Variants in PSD3 observed in about 807,000 individuals in gnomAD.
The protein encoded by PSD3 is pleckstrin and Sec7 domain containing 3.
A neutral mutation model predicts 105.5 loss-of-function variants in PSD3; 49 were observed. The observed-to-expected ratio is 0.46, with a 90% confidence interval of 0.37 to 0.59. The LOEUF (loss-of-function observed/expected upper bound fraction) is 0.59, where lower values mean the gene tolerates loss of function less well. PSD3 is among the 20% of genes least tolerant of loss of function. The pLI, the probability that PSD3 is intolerant of heterozygous loss-of-function variation, is 0.00. For missense variants in PSD3, 1,561 were observed against 1,263.8 expected (o/e 1.24, Z -3.57); for synonymous variants, 557 against 457.8 (o/e 1.22, Z -2.77).
At chr8:18,820,804 C>T (rs1222447420) in intron 4 of PSD3, among the ~76,000 whole-genome samples, 5 of 152,182 alleles carry the variant, frequency 3.3e-5, no homozygotes, top group African/African-American at 1.2e-4. Flanking sequence ...TGCTCTATCA[C>T]CCAGGCTGGA....
At chr8:18,736,173 T>G (rs1211078307) in intron 9 of PSD3, among the ~76,000 whole-genome samples, 1 of 152,174 alleles carries the variant, frequency 6.6e-6, no homozygotes, top group South Asian at 2.1e-4. Flanking sequence ...AACCTCCAAC[T>G]TCCATACTTA....
chr8:18,527,811 AG>A lies in PSD3; in HGVS notation c.*7931del, dbSNP rs1799483822. On this transcript the variant is annotated 3_prime_UTR_variant, in exon 16 of 16. Transcript: ENST00000327040. The stretch of plus-strand genomic sequence containing the variant: ...GGAACAGGTTTCCAGTACGTGTTAT[AG>A]TACCGCCAGCTTACCCAAAACTGCT... 6.6e-6 allele frequency: 1 copy of A among 152,434 alleles called. No individual in the cohort carries two copies. The highest frequency in any genetic ancestry group is 1.5e-5 in the Non-Finnish European group (1 of 68,038). The allele number at this position is 152,434 out of a possible 1,614,324, so 9.4% of individuals were successfully genotyped here. A position where few individuals can be genotyped will look rare whatever the true frequency, so the allele number is the denominator to read the frequency against.
chr8:18,626,311 G>C (rs1304489420), intron 11 of PSD3, among the ~76,000 whole-genome samples: 3 of 150,928 alleles, frequency 2.0e-5, no homozygotes, highest in African/African-American at 7.3e-5. Flanking sequence ...AAGTGTATCA[G>C]CATTTAAAAC....
intron 9 of PSD3, among the ~76,000 whole-genome samples, chr8:18,710,294 G>T (rs1563189712): frequency 6.6e-6 from 1 of 151,692 alleles, no homozygotes; most frequent in African/African-American, 2.4e-5. Flanking sequence ...AGATTAGAGG[G>T]AAAAAAAATG....
intron 4 of PSD3, among the ~76,000 whole-genome samples, chr8:18,832,604 A>C (rs912630057): frequency 1.1e-4 from 16 of 152,340 alleles, no homozygotes; most frequent in African/African-American, 3.6e-4. Context: ...TGTGTCAGAC[A>C]TAATGGTCAA....
chr8:19,015,660 A>G (rs899218417), upstream of PSD3, among the ~76,000 whole-genome samples: 2 of 152,214 alleles, frequency 1.3e-5, no homozygotes, highest in African/African-American at 2.4e-5. Flanking sequence ...GATTTACTTG[A>G]TATTTCTAGT....
intron 2 of PSD3, among the ~76,000 whole-genome samples, chr8:18,902,890 A>C (rs1819599238): frequency 6.6e-6 from 1 of 152,136 alleles, no homozygotes; most frequent in African/African-American, 2.4e-5. Context: ...CATTTTCCAC[A>C]CAATGGGGAG....
At chr8:18,717,915 T>C (rs1028147075) in intron 9 of PSD3, among the ~76,000 whole-genome samples, 1 of 152,174 alleles carries the variant, frequency 6.6e-6, no homozygotes, top group Admixed American at 6.5e-5. Flanking sequence ...AAATGCTCCA[T>C]AGGATTAGAC....
intron 9 of PSD3, among the ~76,000 whole-genome samples, chr8:18,708,487 T>C (rs746446552): frequency 8.5e-5 from 13 of 152,072 alleles, no homozygotes; most frequent in Non-Finnish European, 1.8e-4. Flanking sequence ...CTTTCAGTCT[T>C]AGCAGTACCT....
At chr8:18,660,249 A>G (rs571466590) in intron 9 of PSD3, among the ~76,000 whole-genome samples, 30 of 152,294 alleles carry the variant, frequency 2.0e-4, no homozygotes, top group Admixed American at 5.2e-4. Flanking sequence ...AAATTAGAGT[A>G]ATACACACGT....
chr8:18,660,351 A>T (rs929538384), intron 9 of PSD3, among the ~76,000 whole-genome samples: 1 of 152,014 alleles, frequency 6.6e-6, no homozygotes, highest in African/African-American at 2.4e-5. Context: ...AGCCCTGTTG[A>T]CCTCTTGATT....
chr8:18,809,768 G>A (rs868111341), intron 4 of PSD3, among the ~76,000 whole-genome samples: 1 of 151,748 alleles, frequency 6.6e-6, no homozygotes. Flanking sequence ...TTGTTTCTGC[G>A]ATTTTATTCC....
intron 2 of PSD3, among the ~76,000 whole-genome samples, chr8:18,883,095 C>G (rs552200605): frequency 1.3e-5 from 2 of 152,246 alleles, no homozygotes; most frequent in South Asian, 4.1e-4. Context: ...GGCACCACCT[C>G]AGACATTCCC....
intron 1 of PSD3, among the ~76,000 whole-genome samples, chr8:18,983,764 T>A (rs973790813): frequency 2.6e-5 from 4 of 151,770 alleles, no homozygotes; most frequent in African/African-American, 9.7e-5. Context: ...TTTGGGACGC[T>A]GAGGCAAGAG....
At chr8:18,941,970 C>T (rs1297411375) in intron 1 of PSD3, among the ~76,000 whole-genome samples, 1 of 152,016 alleles carries the variant, frequency 6.6e-6, no homozygotes, top group Non-Finnish European at 1.5e-5. Flanking sequence ...GCTGCCACAC[C>T]CAGCCTAGAA....
chr8:19,036,961 C>T (rs1827962602), intron 1 of PSD3, among the ~76,000 whole-genome samples: 1 of 152,186 alleles, frequency 6.6e-6, no homozygotes, highest in South Asian at 2.1e-4. Context: ...AGGATTGACC[C>T]TTTCAGCCGT....
At position 19,000,303 on chromosome 8, in the gene PSD3, G is replaced by A. The variant is rs901379246; in HGVS notation, c.21+13260C>T. Among the ~76,000 whole-genome samples the A allele has an allele frequency of 1.0e-3, 151 of 151,420 alleles. 2 individuals are homozygous for A. The highest frequency in any genetic ancestry group is 3.6e-3 in the African/African-American group (150 of 41,212). On this transcript the variant is annotated intron_variant, in intron 1 of 15. Coordinates refer to ENST00000327040, the MANE Select transcript of PSD3 (RefSeq NM_015310.4). ...TCCCAGCTACTTGGGAGGCTGAGGT[G>A]GGAGGATAACTTGAGCCCAGGAGTT...
At chr8:18,982,024 A>G (rs545849405) in intron 1 of PSD3, among the ~76,000 whole-genome samples, 1 of 152,312 alleles carries the variant, frequency 6.6e-6, no homozygotes, top group South Asian at 2.1e-4. Flanking sequence ...TCTTACCCAC[A>G]GTAGAGCTTC....
intron 1 of PSD3, among the ~76,000 whole-genome samples, chr8:18,959,044 C>T (rs909877690): frequency 2.6e-5 from 4 of 152,018 alleles, no homozygotes; most frequent in African/African-American, 9.7e-5. Flanking sequence ...CCTCAGCCTC[C>T]CAAGTATCTG....
Sources: gnomAD v4.1 joint callset for allele counts (sites outside exome capture counted in the v4.1 genomes callset) on GRCh38, gnomAD v4.1.1 for gene constraint, MANE v1.5 for transcripts, NCBI Gene and HGNC (gene_info 2026-07-23, HGNC 2026-07-21) for gene names.